Variants in IRAK1 observed in about 807,000 individuals in gnomAD.
IRAK1 encodes the protein interleukin-1 receptor-associated kinase 1.
A neutral mutation model predicts 49.8 loss-of-function variants in IRAK1; 9 were observed. That is an observed-to-expected ratio of 0.18 (90% CI 0.11 to 0.32). IRAK1 has a LOEUF of 0.32. Ranked by LOEUF, IRAK1 falls within the 10% of genes least tolerant of loss-of-function variation. The pLI is 1.00. For synonymous variants in IRAK1, 282 were observed against 270.8 expected (o/e 1.04, Z -0.41); for missense variants, 418 against 600.5 (o/e 0.70, Z 3.18).
intron 10 of IRAK1, 69 bp from the exon 11 acceptor site, chrX:154,014,347 G>A (rs928410740): frequency 1.8e-4 from 164 of 891,136 alleles, no homozygotes; most frequent in Non-Finnish European, 3.1e-5. Context: ...TCAGGTCCTT[G>A]TCACTCAATC....
At position 154,011,408 on chromosome X, in the gene IRAK1, A is replaced by G. The variant is rs1439928280; in HGVS notation, c.*451T>C. 4.0e-6 allele frequency: 1 copy of G among 247,029 alleles called. No individual in the cohort carries two copies. Among genetic ancestry groups the G allele is most frequent in the African/African-American group, 2.8e-5 (1 of 35,172 alleles). The allele number at this position is 247,029 out of a possible 1,213,427, so 20.4% of individuals were successfully genotyped here. A position where few individuals can be genotyped will look rare whatever the true frequency, so the allele number is the denominator to read the frequency against. ...CCCGGCCACACTTTTCCAAATTGTA[A>G]GCAGGTAGGAGGGCCCTAGGCCTCG... On this transcript the variant is annotated 3_prime_UTR_variant, in exon 14 of 14. Transcript: ENST00000369980.
chrX:154,016,247 G>A lies in IRAK1; in HGVS notation c.1237-150C>T, dbSNP rs1009442746. On this transcript the variant is annotated intron_variant, in intron 9 of 13. Transcript: ENST00000369980. ...CTCGGGCAACTCGGAGAGCCCACTTGAAGACAAATTACAAACACACAGTTA... is the reference window on the plus strand; with the variant it reads ...CTCGGGCAACTCGGAGAGCCCACTTAAAGACAAATTACAAACACACAGTTA... The A allele has an allele frequency of 8.3e-6, 5 of 604,293 alleles. No individual in the cohort carries two copies. The African/African-American group carries it at 1.1e-4, about 13-fold the overall frequency. The allele number at this position is 604,293 out of a possible 1,213,427, so 49.8% of individuals were successfully genotyped here. A position where few individuals can be genotyped will look rare whatever the true frequency, so the allele number is the denominator to read the frequency against.
intron 10 of IRAK1, among the ~76,000 whole-genome samples, chrX:154,014,966 G>A (rs1233941048): frequency 5.4e-5 from 6 of 111,039 alleles, no homozygotes; most frequent in Non-Finnish European, 1.1e-4. Flanking sequence ...CAGACAAAGA[G>A]GTACCCCAGA....
chrX:154,016,297 C>G, intron 9 of IRAK1, 140 bp downstream of exon 9: 1 of 627,194 alleles, frequency 1.6e-6, no homozygotes, highest in Non-Finnish European at 2.6e-6. Flanking sequence ...AGGAGGGCCT[C>G]GGAGGGAGGG....
chrX:154,013,359 G>A lies in IRAK1; in HGVS notation c.1614C>T (p.Ile538=). ...VPGHSEAASC[I]PPSPQENSYV... The stretch of plus-strand genomic sequence containing the variant: ...AGGAGTTCTCCTGCGGGGAAGGGGG[G>A]ATGCAGCTGGCGGCCTCCGAATGCC... The change falls in exon 12 of 14, where the codon ATC becomes ATT. Residue 538 remains isoleucine (I), a synonymous_variant. Transcript: ENST00000369980. 8.3e-7 allele frequency: 1 copy of A among 1,204,717 alleles called. No individual in the cohort carries two copies. Among genetic ancestry groups the A allele is most frequent in the Non-Finnish European group, 1.1e-6 (1 of 892,221 alleles).
At chrX:154,018,552 G>T (rs1557130195) in intron 5 of IRAK1, 47 bp downstream of exon 5, 3 of 1,050,794 alleles carry the variant, frequency 2.9e-6, no homozygotes, top group South Asian at 3.9e-5. Flanking sequence ...AAGTGGTGAG[G>T]GTTATCTGAT....
chrX:154,018,695 G>A lies in IRAK1; in HGVS notation c.633C>T (p.Asn211=). The change falls in exon 5 of 14, where the codon AAC becomes AAT. Residue 211 remains asparagine (N), a synonymous_variant. Coordinates refer to ENST00000369980, the MANE Select transcript of IRAK1 (RefSeq NM_001569.4). ...CCCCGATCTTGAGCTCCTCCGAGAA[G>A]TTGTGGGTGCCCCGGGAAATCTCAC... is the stretch of plus-strand genomic sequence containing the variant. ...PLCEISRGTH[N]FSEELKIGEG... 2 of 1,183,164 alleles carry A rather than the reference G, an allele frequency of 1.7e-6. No homozygotes were observed. The highest frequency in any genetic ancestry group is 3.0e-5 in the East Asian group (1 of 33,728).
In IRAK1 at chrX:154,010,684, T is replaced by C. The variant is rs1179260766; in HGVS notation, c.*1175A>G. ...TCGGTTACATGAAACCTGACTTGCT[T>C]CTGAAGACATGTGATACATGTCTTT... On this transcript the variant is annotated 3_prime_UTR_variant, in exon 14 of 14. Transcript: ENST00000369980. The C allele has an allele frequency of 4.4e-6, 1 of 225,610 alleles. No individual in the cohort carries two copies. 18.6% of individuals were successfully genotyped at this position (225,610 alleles called of 1,213,427 possible). A position where few individuals can be genotyped will look rare whatever the true frequency, so the allele number is the denominator to read the frequency against.
chrX:154,013,018 C>G (rs909233864), intron 12 of IRAK1, 25 bp downstream of exon 12: 2 of 1,201,082 alleles, frequency 1.7e-6, no homozygotes, highest in African/African-American at 3.5e-5. Flanking sequence ...TGGTCCCTCT[C>G]CTGGGAACCC....
chrX:154,015,599 GGTGAGGCAGACTGAGTGGAGTAAGACC>G (rs2065733335), intron 10 of IRAK1, among the ~76,000 whole-genome samples: 1 of 112,713 alleles, frequency 8.9e-6, no homozygotes, highest in Non-Finnish European at 1.9e-5. Context: ...CACAGTCCAC[GGTGAGGCAGACTGAGTGGAGTAAGACC>G]GTGAGGCAGC....
rs370104142 is a variant in IRAK1, at chrX:154,012,520, C to T, written c.2080+9G>A. On this transcript the variant is annotated intron_variant, in intron 13 of 13. Coordinates refer to ENST00000369980, the MANE Select transcript of IRAK1 (RefSeq NM_001569.4). The stretch of plus-strand genomic sequence containing the variant: ...TGAGCACCCCAGAGGCCAGCCTGGG[C>T]GGCAGCACCTGGGAGGGAGCTGGAC... 137 of 1,202,444 alleles carry T rather than the reference C, an allele frequency of 1.1e-4. No individual in the cohort carries two copies. In the Middle Eastern group the frequency reaches 1.2e-3, roughly 11 times the overall value.
At chrX:154,014,397 A>G in intron 10 of IRAK1, 119 bp from the exon 11 acceptor site, 1 of 691,061 alleles carries the variant, frequency 1.4e-6, no homozygotes. Flanking sequence ...AAAAAAAGAG[A>G]TGGGGTCTCG....
rs781795820 is a variant in IRAK1, at chrX:154,016,434, C to T, written c.1236+3G>A. 2.7e-5 allele frequency: 33 copies of T among 1,207,124 alleles called. No homozygotes were observed. Among genetic ancestry groups the T allele is most frequent in the Non-Finnish European group, 3.5e-5 (31 of 892,135 alleles). ...TGAGCCAGCAGAGGGGTCAGTGGCT[C>T]ACCACCCCAAAGCTGAAGGTGTCCG... On this transcript the variant is annotated splice_donor_region_variant and intron_variant, in intron 9 of 13. Coordinates refer to ENST00000369980, the MANE Select transcript of IRAK1 (RefSeq NM_001569.4).
intron 13 of IRAK1, 54 bp downstream of exon 13, chrX:154,012,475 G>A: frequency 1.7e-6 from 2 of 1,157,295 alleles, no homozygotes; most frequent in Non-Finnish European, 2.3e-6. Context: ...TCTGCTCTTT[G>A]GGGCTGACAC....
At chrX:154,017,393 G>A (rs897209591) in intron 7 of IRAK1, among the ~76,000 whole-genome samples, 1 of 112,504 alleles carries the variant, frequency 8.9e-6, no homozygotes, top group African/African-American at 3.2e-5. Flanking sequence ...CTCAGCTGTA[G>A]GTGGTCCAGC....
intron 2 of IRAK1, 43 bp from the exon 3 acceptor site, chrX:154,019,371 G>C: frequency 8.8e-7 from 1 of 1,140,051 alleles, no homozygotes. Context: ...GCCCGGGTGG[G>C]GGAGCCCCGT....
chrX:154,016,830 C>T (rs1324504228), intron 8 of IRAK1, 119 bp downstream of exon 8: 1 of 654,216 alleles, frequency 1.5e-6, no homozygotes, highest in African/African-American at 2.1e-5. Context: ...CCCGTTCCCA[C>T]ACCTGTGCGA....
chrX:154,014,371 T>TTTA, intron 10 of IRAK1, 93 bp from the exon 11 acceptor site: 1 of 536,897 alleles, frequency 1.9e-6, no homozygotes, highest in Non-Finnish European at 2.7e-6. Context: ...TGGGTTTTGA[T>TTTA]AAAAAAAAAA....
chrX:154,015,195 G>A (rs2065730206), intron 10 of IRAK1, among the ~76,000 whole-genome samples: 1 of 112,273 alleles, frequency 8.9e-6, no homozygotes, highest in Non-Finnish European at 1.9e-5. Flanking sequence ...AAGGGACTGG[G>A]CCTTCACCCC....
Sources: gnomAD v4.1 joint callset for allele counts (sites outside exome capture counted in the v4.1 genomes callset) on GRCh38, gnomAD v4.1.1 for gene constraint, MANE v1.5 for transcripts, NCBI Gene and HGNC (gene_info 2026-07-23, HGNC 2026-07-21) for gene names.